Variants in TCERG1L observed in about 807,000 individuals in gnomAD.
TCERG1L encodes transcription elongation regulator 1 like.
Under a neutral mutation model 56.3 loss-of-function variants are expected in TCERG1L, and 37 were observed. The ratio of observed to expected loss-of-function variants is 0.66; its 90% CI spans 0.51 to 0.87. The LOEUF is 0.87. Ranked by LOEUF, TCERG1L falls within the 40% of genes least tolerant of loss-of-function variation. The pLI, the probability that TCERG1L is intolerant of heterozygous loss-of-function variation, is 0.00. For synonymous variants in TCERG1L, 324 were observed against 326.3 expected (o/e 0.99, Z 0.08); for missense variants, 799 against 774.2 (o/e 1.03, Z -0.38).
At chr10:131,207,775 C>T (rs1470981281) in intron 4 of TCERG1L, among the ~76,000 whole-genome samples, 1 of 152,186 alleles carries the variant, frequency 6.6e-6, no homozygotes, top group African/African-American at 2.4e-5. Context: ...ACCGCCCTCA[C>T]AGCTCGGGCT....
chr10:131,310,767 G>A (rs1185678286), intron 1 of TCERG1L, among the ~76,000 whole-genome samples: 10 of 152,140 alleles, frequency 6.6e-5, no homozygotes. Flanking sequence ...AGGATTTCCC[G>A]GCCACTTCCG....
intron 7 of TCERG1L, among the ~76,000 whole-genome samples, chr10:131,143,420 G>A (rs1453738840): frequency 3.9e-5 from 6 of 151,966 alleles, no homozygotes; most frequent in South Asian, 2.1e-4. Context: ...TCTCTCCCTC[G>A]CCTCTCCTCC....
chr10:131,249,586 G>A (rs969382002), intron 4 of TCERG1L, among the ~76,000 whole-genome samples: 2 of 152,202 alleles, frequency 1.3e-5, no homozygotes, highest in African/African-American at 4.8e-5. Context: ...TTTCTTTTTT[G>A]TTGTAATTAT....
intron 4 of TCERG1L, among the ~76,000 whole-genome samples, chr10:131,254,840 G>A (rs905197582): frequency 6.6e-6 from 1 of 152,238 alleles, no homozygotes; most frequent in African/African-American, 2.4e-5. Context: ...AAAGACCACA[G>A]GAGAAACAAG....
At chr10:131,200,475 C>A (rs1171923660) in intron 4 of TCERG1L, among the ~76,000 whole-genome samples, 1 of 152,204 alleles carries the variant, frequency 6.6e-6, no homozygotes, top group Non-Finnish European at 1.5e-5. Flanking sequence ...ATTGAAATTA[C>A]TTTGGATCAG....
intron 3 of TCERG1L, among the ~76,000 whole-genome samples, chr10:131,302,757 C>T (rs1474845198): frequency 6.6e-6 from 1 of 151,810 alleles, no homozygotes; most frequent in Admixed American, 6.6e-5. Flanking sequence ...AGGCATTTCT[C>T]CTAATGCTAT....
chr10:131,108,826 G>A (rs1845380772), intron 9 of TCERG1L, among the ~76,000 whole-genome samples: 1 of 152,202 alleles, frequency 6.6e-6, no homozygotes, highest in African/African-American at 2.4e-5. Flanking sequence ...TTCAGGTCTT[G>A]TGGTTGCAGG....
At chr10:131,179,312 C>T (rs1356475260) in intron 4 of TCERG1L, among the ~76,000 whole-genome samples, 2 of 152,234 alleles carry the variant, frequency 1.3e-5, no homozygotes, top group African/African-American at 4.8e-5. Flanking sequence ...CATGGAGCTT[C>T]TCAGCTTGAG....
At chr10:131,266,730 G>A (rs1272429342) in intron 3 of TCERG1L, among the ~76,000 whole-genome samples, 1 of 152,102 alleles carries the variant, frequency 6.6e-6, no homozygotes, top group African/African-American at 2.4e-5. Flanking sequence ...TGCTGCAGCT[G>A]GTCAACTGGA....
intron 8 of TCERG1L, among the ~76,000 whole-genome samples, chr10:131,127,633 G>A (rs1223399214): frequency 3.3e-5 from 5 of 152,192 alleles, no homozygotes; most frequent in Non-Finnish European, 7.3e-5. Flanking sequence ...GGTTCAGATA[G>A]AGTGCAATGC....
At chr10:131,295,470 C>T (rs118116583) in intron 3 of TCERG1L, among the ~76,000 whole-genome samples, 397 of 152,320 alleles carry the variant, frequency 2.6e-3, no homozygotes, top group Non-Finnish European at 4.7e-3. Flanking sequence ...CAGGTTCTGT[C>T]TTTGTTTTGT....
At chr10:131,157,124 C>T (rs899554287) in intron 6 of TCERG1L, among the ~76,000 whole-genome samples, 4 of 152,158 alleles carry the variant, frequency 2.6e-5, no homozygotes, top group African/African-American at 4.8e-5. Context: ...TACCTTTTAA[C>T]GACTTTTGCC....
intron 3 of TCERG1L, among the ~76,000 whole-genome samples, chr10:131,307,590 TA>T (rs1846829116): frequency 6.6e-6 from 1 of 152,242 alleles, no homozygotes; most frequent in Non-Finnish European, 1.5e-5. Context: ...AAAATCAATT[TA>T]AAAATTCATA....
chr10:131,247,868 T>G (rs1475289872), intron 4 of TCERG1L, among the ~76,000 whole-genome samples: 1 of 152,008 alleles, frequency 6.6e-6, no homozygotes. Flanking sequence ...ACACTGTAAA[T>G]TCACACTGAC....
intron 4 of TCERG1L, among the ~76,000 whole-genome samples, chr10:131,229,436 C>T (rs1489580716): frequency 1.3e-5 from 2 of 152,230 alleles, no homozygotes; most frequent in African/African-American, 4.8e-5. Context: ...AGGTTTTATG[C>T]TTCCTGCCCA....
At chr10:131,154,834 C>T (rs1026582475) in intron 6 of TCERG1L, among the ~76,000 whole-genome samples, 5 of 152,248 alleles carry the variant, frequency 3.3e-5, no homozygotes, top group Admixed American at 2.0e-4. Flanking sequence ...GTGCAACAGG[C>T]GTGCTGTGCT....
Position 131,093,035 on chromosome 10 carries a change from C to G in TCERG1L, c.*127G>C, listed in dbSNP as rs1414794111. ...TAATCCTCTGAGAACGAAGACCCCG[C>G]AGTGCCGGTGCCCGCTGGGCCGTGC... On this transcript the variant is annotated 3_prime_UTR_variant, in exon 12 of 12. Transcript: ENST00000368642. The G allele has an allele frequency of 1.2e-5, 11 of 881,080 alleles. No homozygotes were observed. The highest frequency in any genetic ancestry group is 1.9e-5 in the Non-Finnish European group (11 of 580,802). The allele number at this position is 881,080 out of a possible 1,614,324, so 54.6% of individuals were successfully genotyped here. A position where few individuals can be genotyped will look rare whatever the true frequency, so the allele number is the denominator to read the frequency against.
chr10:131,166,735 G>T, intron 5 of TCERG1L, 62 bp downstream of exon 5: 2 of 1,511,194 alleles, frequency 1.3e-6, no homozygotes, highest in Non-Finnish European at 1.8e-6. Flanking sequence ...GGGTGTCCTG[G>T]CCCTGGTCCT....
At chr10:131,302,627 A>G (rs1433317808) in intron 3 of TCERG1L, among the ~76,000 whole-genome samples, 1 of 135,834 alleles carries the variant, frequency 7.4e-6, no homozygotes, top group Non-Finnish European at 1.6e-5. Flanking sequence ...TTTTTTCTCA[A>G]TTTTTTTTTT....
Sources: gnomAD v4.1 joint callset for allele counts (sites outside exome capture counted in the v4.1 genomes callset) on GRCh38, gnomAD v4.1.1 for gene constraint, MANE v1.5 for transcripts, NCBI Gene and HGNC (gene_info 2026-07-23, HGNC 2026-07-21) for gene names.